Variants in SDK1 observed in about 807,000 individuals in gnomAD.
SDK1 encodes the protein sidekick cell adhesion molecule 1.
SDK1 carries 157 observed loss-of-function variants against 245.5 expected under a neutral mutation model. The observed-to-expected ratio is 0.64, with a 90% confidence interval of 0.56 to 0.73. SDK1 has a LOEUF of 0.73. SDK1 is among the 30% of genes least tolerant of loss of function. SDK1 has a pLI of 0.00. For synonymous variants in SDK1, 1,647 were observed against 1,278.5 expected (o/e 1.29, Z -6.15); for missense variants, 3,583 against 3,002.3 (o/e 1.19, Z -4.52).
chr7:3,909,374 CCTGTGGAGCAG>C (rs951988318), intron 5 of SDK1, among the ~76,000 whole-genome samples: 2 of 152,210 alleles, frequency 1.3e-5, no homozygotes, highest in Admixed American at 6.5e-5. Context: ...GCTGTTGGCT[CCTGTGGAGCAG>C]CTGTGGAGCA....
intron 5 of SDK1, among the ~76,000 whole-genome samples, chr7:3,858,383 C>G (rs1184094305): frequency 1.3e-5 from 2 of 151,786 alleles, no homozygotes; most frequent in Non-Finnish European, 2.9e-5. Flanking sequence ...GAGACCCCAT[C>G]TCAAAAAAAC....
At chr7:4,177,863 A>T (rs918618239) in intron 34 of SDK1, among the ~76,000 whole-genome samples, 2 of 152,214 alleles carry the variant, frequency 1.3e-5, no homozygotes, top group Admixed American at 6.5e-5. Context: ...AGACGGTCCC[A>T]TCTTGGGGGG....
At chr7:4,025,306 T>C (rs1356306175) in intron 17 of SDK1, among the ~76,000 whole-genome samples, 1 of 152,202 alleles carries the variant, frequency 6.6e-6, no homozygotes, top group African/African-American at 2.4e-5. Context: ...TTCATCAGGG[T>C]CTCGGCTATG....
chr7:3,603,449 G>A (rs1257812677), intron 1 of SDK1, among the ~76,000 whole-genome samples: 6 of 151,280 alleles, frequency 4.0e-5, no homozygotes. Flanking sequence ...AAGGAATTGT[G>A]AATGGGAGTT....
chr7:3,735,320 C>T (rs1343802099), intron 4 of SDK1, among the ~76,000 whole-genome samples: 1 of 152,222 alleles, frequency 6.6e-6, no homozygotes, highest in Non-Finnish European at 1.5e-5. Context: ...CAGTGACTCT[C>T]TGATTCCCCT....
chr7:3,920,335 G>A (rs1779542786), intron 5 of SDK1, among the ~76,000 whole-genome samples: 1 of 152,180 alleles, frequency 6.6e-6, no homozygotes. Flanking sequence ...CAGGTGAGAT[G>A]TCATTAGGCC....
At chr7:3,551,031 T>A (rs1424416407) in intron 1 of SDK1, among the ~76,000 whole-genome samples, 1 of 152,228 alleles carries the variant, frequency 6.6e-6, no homozygotes, top group African/African-American at 2.4e-5. Context: ...TTTAGAAGGT[T>A]AGGAGAAAGA....
At chr7:3,726,168 C>T (rs963122465) in intron 4 of SDK1, among the ~76,000 whole-genome samples, 9 of 152,188 alleles carry the variant, frequency 5.9e-5, no homozygotes, top group African/African-American at 2.2e-4. Context: ...CATGTGAGAA[C>T]ATTTTAGATA....
At chr7:3,619,303 C>G in intron 2 of SDK1, 64 bp downstream of exon 2, 1 of 1,417,630 alleles carries the variant, frequency 7.1e-7, no homozygotes, top group African/African-American at 1.4e-5. Context: ...ACTTGCCTTA[C>G]TGGTCATAAT....
At chr7:3,658,607 T>A in intron 4 of SDK1, among the ~76,000 whole-genome samples, 1 of 136,198 alleles carries the variant, frequency 7.3e-6, no homozygotes, top group African/African-American at 2.7e-5. Context: ...CACTACTATC[T>A]TCTTTTTTTT....
chr7:3,818,918 G>A (rs567093640), intron 4 of SDK1, among the ~76,000 whole-genome samples: 1 of 152,210 alleles, frequency 6.6e-6, no homozygotes, highest in African/African-American at 2.4e-5. Flanking sequence ...GTGTTGCATG[G>A]CTGGATTGCA....
At chr7:4,104,321 A>G (rs1216694714) in intron 22 of SDK1, among the ~76,000 whole-genome samples, 2 of 152,174 alleles carry the variant, frequency 1.3e-5, no homozygotes, top group African/African-American at 4.8e-5. Flanking sequence ...TTGGCCTCCT[A>G]CAGTGCTGGG....
chr7:4,000,297 C>T (rs1784977300), intron 14 of SDK1, among the ~76,000 whole-genome samples: 1 of 152,206 alleles, frequency 6.6e-6, no homozygotes, highest in Admixed American at 6.5e-5. Context: ...GTCCTTCCTC[C>T]AGCATGGAAC....
chr7:3,854,654 A>G (rs1053939785), intron 5 of SDK1, among the ~76,000 whole-genome samples: 1 of 152,232 alleles, frequency 6.6e-6, no homozygotes, highest in African/African-American at 2.4e-5. Flanking sequence ...ATGAGAAAAC[A>G]TAGAAGTGAC....
At position 4,240,941 on chromosome 7, in the gene SDK1, T is replaced by G. The variant is rs1266488050; in HGVS notation, c.6131-852T>G. Among the ~76,000 whole-genome samples the G allele has an allele frequency of 2.6e-5, 4 of 152,264 alleles. No homozygotes were observed. In the East Asian group the frequency reaches 7.7e-4, roughly 29 times the overall value. Reference sequence around the variant, plus strand: ...GAAGATGACGCGGGGGTTTGCAGGGTGGACAGACCAGGCCAAGCTTGGGGG... The same window carrying G: ...GAAGATGACGCGGGGGTTTGCAGGGGGGACAGACCAGGCCAAGCTTGGGGG... On this transcript the variant is annotated intron_variant, in intron 42 of 44. Transcript: ENST00000404826.
rs1036427948 is a variant in SDK1 at position 4,011,795 on chromosome 7, C to T, written c.2280-300C>T. Among the ~76,000 whole-genome samples the T allele has an allele frequency of 1.8e-4, 27 of 152,142 alleles. 1 individual carries two copies. The highest frequency in any genetic ancestry group is 1.6e-3 in the Admixed American group (25 of 15,272). Reference sequence around the variant, plus strand: ...GGAGGAGTCTGAGACGGCAGGCCGACGAGCGGACGCATTCAGGCTTGCAGT... The same window carrying T: ...GGAGGAGTCTGAGACGGCAGGCCGATGAGCGGACGCATTCAGGCTTGCAGT... On this transcript the variant is annotated intron_variant, in intron 15 of 44. Transcript: ENST00000404826.
chr7:3,324,077 C>T (rs1486274917), intron 1 of SDK1, among the ~76,000 whole-genome samples: 3 of 152,256 alleles, frequency 2.0e-5, no homozygotes, highest in Non-Finnish European at 4.4e-5. Context: ...TGTTGGCCCT[C>T]ACAGTAAAAT....
At chr7:4,062,816 A>G (rs979147842) in intron 19 of SDK1, among the ~76,000 whole-genome samples, 6 of 152,370 alleles carry the variant, frequency 3.9e-5, no homozygotes, top group South Asian at 2.1e-4. Flanking sequence ...CATATCCATA[A>G]ATGTGATACA....
At chr7:3,979,884 T>G (rs1017548720) in intron 13 of SDK1, among the ~76,000 whole-genome samples, 5 of 152,184 alleles carry the variant, frequency 3.3e-5, no homozygotes, top group African/African-American at 9.7e-5. Flanking sequence ...ATTTCATCTC[T>G]CCTCCTGAAA....
Sources: allele counts gnomAD v4.1 joint callset (sites outside exome capture counted in the v4.1 genomes callset), GRCh38; gene constraint gnomAD v4.1.1; transcripts MANE v1.5; gene names NCBI Gene and HGNC (gene_info 2026-07-23, HGNC 2026-07-21).